The following TYR variants were observed in gnomAD, a reference collection of about 807,000 sequenced individuals.
The protein encoded by TYR is tyrosinase, also known as LB24-AB.
A neutral mutation model predicts 51.5 loss-of-function variants in TYR; 58 were observed. The ratio of observed to expected loss-of-function variants is 1.13; its 90% CI spans 0.91 to 1.40. The LOEUF (loss-of-function observed/expected upper bound fraction) is 1.40. Among genes scored for constraint, TYR ranks in the 40% most tolerant of loss-of-function variants. TYR has a pLI of 0.00. For synonymous variants in TYR, 263 were observed against 235.2 expected, an observed-to-expected ratio of 1.12 and a Z score of -1.08; for missense variants, 732 against 647.4, an observed-to-expected ratio of 1.13 and a Z score of -1.42.
At chr11:89,291,593 C>T (rs1225063961) in intron 4 of TYR, among the ~76,000 whole-genome samples, 2 of 151,746 alleles carry the variant, frequency 1.3e-5, no homozygotes, top group East Asian at 3.9e-4. Context: ...TTTTCTTATA[C>T]TTTTTTCCAC....
intron 3 of TYR, among the ~76,000 whole-genome samples, chr11:89,260,257 A>G (rs1210668252): frequency 3.3e-5 from 5 of 151,934 alleles, no homozygotes. Context: ...ATGCAAAAAA[A>G]AAAAAAAATT....
chr11:89,194,253 G>C (rs988016471), intron 2 of TYR, among the ~76,000 whole-genome samples: 5 of 151,860 alleles, frequency 3.3e-5, no homozygotes, highest in African/African-American at 9.7e-5. Context: ...TTTTTTAATA[G>C]AACATTCTTC....
chr11:89,264,785 T>G (rs1187379133), intron 3 of TYR, among the ~76,000 whole-genome samples: 1 of 150,764 alleles, frequency 6.6e-6, no homozygotes, highest in Non-Finnish European at 1.5e-5. Context: ...TGCAGGGACA[T>G]GGATGAGCAG....
At chr11:89,281,307 T>C (rs1022882974) in intron 3 of TYR, among the ~76,000 whole-genome samples, 3 of 151,718 alleles carry the variant, frequency 2.0e-5, no homozygotes, top group African/African-American at 4.8e-5. Context: ...CCCTGGATCA[T>C]AGGGCTTTGA....
At chr11:89,196,412 C>T (rs140450922) in intron 2 of TYR, among the ~76,000 whole-genome samples, 33 of 152,134 alleles carry the variant, frequency 2.2e-4, no homozygotes, top group African/African-American at 7.5e-4. Flanking sequence ...TCTTCTGTTA[C>T]CCAAAAGGGA....
At chr11:89,184,364 A>G (rs1943340399) in intron 1 of TYR, among the ~76,000 whole-genome samples, 1 of 152,172 alleles carries the variant, frequency 6.6e-6, no homozygotes, top group African/African-American at 2.4e-5. Context: ...TTTAGTCTAC[A>G]TACTTGTAGC....
At chr11:89,257,246 T>G (rs560773957) in intron 3 of TYR, among the ~76,000 whole-genome samples, 279 of 152,084 alleles carry the variant, frequency 1.8e-3, no homozygotes, top group Non-Finnish European at 2.2e-3. Context: ...AAACAATAGC[T>G]TAAAAACTGG....
chr11:89,228,756 A>T (rs368255039), intron 3 of TYR, among the ~76,000 whole-genome samples: 1 of 152,132 alleles, frequency 6.6e-6, no homozygotes, highest in Non-Finnish European at 1.5e-5. Flanking sequence ...TTCCCTTATT[A>T]GCCTTCTTCC....
rs61753180 is a variant in TYR, at chr11:89,178,093, G to A, written c.140G>A (p.Gly47Asp). The A allele has an allele frequency of 7.6e-5, 123 of 1,614,182 alleles. 1 individual carries two copies. In the Admixed American group the frequency reaches 1.5e-3, roughly 20 times the overall value. ...PPWSGDRSPC[G>D]QLSGRGSCQN... ...TGGAGCGGGGACAGGAGTCCCTGTG[G>A]CCAGCTTTCAGGCAGAGGTTCCTGT... is the stretch of plus-strand genomic sequence containing the variant. The change falls in exon 1 of 5, where the codon GGC becomes GAC. Residue 47 changes from glycine to aspartate, a missense_variant. Gly to Asp is a moderately conservative substitution (Grantham distance 94, BLOSUM62 -1). Coordinates refer to ENST00000263321, the MANE Select transcript of TYR (RefSeq NM_000372.5).
chr11:89,293,631 C>G (rs1944873540), intron 4 of TYR: 1 of 152,416 alleles, frequency 6.6e-6, no homozygotes, highest in Admixed American at 6.7e-5. Context: ...TCTCCCAATA[C>G]TACTTTTAAA....
rs138817690 is a variant in TYR at position 89,178,658 on chromosome 11, T to C, written c.705T>C (p.Tyr235=). 31 of 1,613,470 alleles carry C rather than the reference T, an allele frequency of 1.9e-5. No individual in the cohort carries two copies. In the African/African-American group the frequency reaches 2.7e-4, roughly 14 times the overall value. ...LTGDENFTIP[Y]WDWRDAEKCD... is the part of the protein sequence containing the mutation. ...GAGATGAAAACTTCACTATTCCATA[T>C]TGGGACTGGCGGGATGCAGAAAAGT... The change falls in exon 1 of 5, where the codon TAT becomes TAC. Residue 235 remains tyrosine (Y), a synonymous_variant. Transcript: ENST00000263321.
intron 3 of TYR, among the ~76,000 whole-genome samples, chr11:89,268,577 T>C (rs1944552152): frequency 6.6e-6 from 1 of 151,906 alleles, no homozygotes. Context: ...CATACTATGA[T>C]CTCCACTAAA....
At chr11:89,231,717 A>G (rs1003077093) in intron 3 of TYR, among the ~76,000 whole-genome samples, 2 of 142,584 alleles carry the variant, frequency 1.4e-5, no homozygotes, top group Non-Finnish European at 3.0e-5. Flanking sequence ...AGCGCAGTGG[A>G]TCATGCCTGT....
At chr11:89,237,006 G>GA (rs1403415859) in intron 3 of TYR, among the ~76,000 whole-genome samples, 3 of 152,106 alleles carry the variant, frequency 2.0e-5, no homozygotes, top group African/African-American at 7.2e-5. Context: ...TTTACACCAT[G>GA]AAATTGGCAA....
At chr11:89,193,314 T>C (rs1476462724) in intron 2 of TYR, among the ~76,000 whole-genome samples, 1 of 152,036 alleles carries the variant, frequency 6.6e-6, no homozygotes, top group Non-Finnish European at 1.5e-5. Context: ...ACATCACTCG[T>C]CTAGGGTCTC....
In TYR at chr11:89,177,892, A is replaced by C; in HGVS notation, c.-62A>C. 1 of 1,545,670 alleles carries C rather than the reference A, an allele frequency of 6.5e-7. No homozygotes were observed. Among genetic ancestry groups the C allele is most frequent in the South Asian group, 1.1e-5 (1 of 89,172 alleles). On this transcript the variant is annotated 5_prime_UTR_variant, in exon 1 of 5. Transcript: ENST00000263321. ...TGATAATCACTGTAGTAGTAGCTGGAAAGAGAAATCTGTGACTCCAATTAG... is the reference window on the plus strand; with the variant it reads ...TGATAATCACTGTAGTAGTAGCTGGCAAGAGAAATCTGTGACTCCAATTAG...
intron 2 of TYR, among the ~76,000 whole-genome samples, chr11:89,193,249 A>C (rs2135254847): frequency 6.6e-6 from 1 of 152,234 alleles, no homozygotes; most frequent in Non-Finnish European, 1.5e-5. Context: ...TAAGTGACAA[A>C]GCATATATTT....
intron 3 of TYR, among the ~76,000 whole-genome samples, chr11:89,245,722 A>G (rs1468730040): frequency 1.3e-5 from 2 of 152,134 alleles, no homozygotes; most frequent in East Asian, 3.9e-4. Context: ...GGAGATCAAG[A>G]CCATCCTGGC....
intron 3 of TYR, among the ~76,000 whole-genome samples, chr11:89,273,163 A>G (rs1163666032): frequency 1.3e-5 from 2 of 151,928 alleles, no homozygotes; most frequent in Non-Finnish European, 2.9e-5. Context: ...GGCTTTGGAC[A>G]TGCTTTCCTC....
Sources: gnomAD v4.1 joint callset for allele counts (sites outside exome capture counted in the v4.1 genomes callset) on GRCh38, gnomAD v4.1.1 for gene constraint, MANE v1.5 for transcripts, NCBI Gene and HGNC (gene_info 2026-07-23, HGNC 2026-07-21) for gene names.